COL6A5: variants seen among roughly 807,000 people sequenced by gnomAD.
COL6A5 encodes the protein collagen alpha-5(VI) chain.
A neutral mutation model predicts 65.6 loss-of-function variants in COL6A5; 48 were observed. That is an observed-to-expected ratio of 0.73 (90% CI 0.58 to 0.93). The LOEUF is 0.93. Ranked by LOEUF, COL6A5 falls within the 40% of genes least tolerant of loss-of-function variation. The pLI, the probability that COL6A5 is intolerant of heterozygous loss-of-function variation, is 0.00. For synonymous variants in COL6A5, 291 were observed against 322.8 expected (o/e 0.90, Z 1.05); for missense variants, 914 against 928.3 (o/e 0.98, Z 0.20).
chr3:130,453,535 A>G (rs1430310837), intron 4 of COL6A5, among the ~76,000 whole-genome samples: 1 of 152,142 alleles, frequency 6.6e-6, no homozygotes, highest in Non-Finnish European at 1.5e-5. Context: ...TTTCATCCCC[A>G]AAAGTTAGCA....
chr3:130,346,407 A>G (rs995720383), intron 1 of COL6A5, among the ~76,000 whole-genome samples: 15 of 152,162 alleles, frequency 9.9e-5, no homozygotes, highest in Admixed American at 3.3e-4. Flanking sequence ...CCTAGCCCCA[A>G]TGCAGGAACC....
rs5852597 is a variant in COL6A5, at chr3:130,439,339, T to TTGTGTGTG, written c.488-150_488-143dup. Among the ~76,000 whole-genome samples the TTGTGTGTG allele has an allele frequency of 6.5e-3, 957 of 146,648 alleles. 5 individuals carry two copies. The highest frequency in any genetic ancestry group is 0.02 in the South Asian group (90 of 4,468). On this transcript the variant is annotated intron_variant, in intron 1 of 7. Coordinates refer to ENST00000512836, the Ensembl canonical transcript of COL6A5. Reference sequence around the variant, plus strand: ...TGTTATGTTTGGGATAAGCAGGGGATTGTGTGTGTGTGTGTGTGTGTGTGT... The same window carrying TTGTGTGTG: ...TGTTATGTTTGGGATAAGCAGGGGATTGTGTGTGTGTGTGTGTGTGTGTGTGTGTGTGT...
chr3:130,374,923 ACT>A (rs1935710315), intron 2 of COL6A5, among the ~76,000 whole-genome samples: 2 of 151,946 alleles, frequency 1.3e-5, no homozygotes, highest in Non-Finnish European at 2.9e-5. Context: ...AAGTTTTTAT[ACT>A]CTCTTGTAAT....
chr3:130,431,328 A>G (rs750337545), upstream of COL6A5: 1 of 943,366 alleles, frequency 1.1e-6, no homozygotes, highest in South Asian at 1.4e-5. Context: ...TTCTTTGCAC[A>G]TGGGTACCTT....
chr3:130,482,222 A>G (rs1710265854), intron 7 of COL6A5, among the ~76,000 whole-genome samples: 1 of 152,294 alleles, frequency 6.6e-6, no homozygotes, highest in South Asian at 2.1e-4. Context: ...TAATTTTTGT[A>G]TAAAGTATAA....
At chr3:130,470,542 A>G (rs1709922599) in intron 6 of COL6A5, among the ~76,000 whole-genome samples, 2 of 152,036 alleles carry the variant, frequency 1.3e-5, no homozygotes, top group Non-Finnish European at 2.9e-5. Context: ...AAAAAATAAA[A>G]TATAAACATT....
intron 2 of COL6A5, 82 bp from the exon 35 acceptor site, chr3:130,440,084 C>A: frequency 1.9e-6 from 2 of 1,054,496 alleles, no homozygotes; most frequent in South Asian, 1.7e-5. Context: ...GGTAATTAGT[C>A]ACTGAGTCAC....
At chr3:130,426,581 G>A (rs984313597), upstream of COL6A5, among the ~76,000 whole-genome samples, 3 of 152,078 alleles carry the variant, frequency 2.0e-5, no homozygotes, top group South Asian at 6.2e-4. Context: ...AGGAAAGGGG[G>A]TATAAGTAAA....
At position 130,469,347 on chromosome 3, in the gene COL6A5, A is replaced by G. The variant is rs372151368; in HGVS notation, c.2099A>G (p.Lys700Arg). Reference sequence around the variant, plus strand: ...ATATTTGTGTTTTCCTTTGGCCCTAAACACAATGACAAAGAATTAGAAGAA... The same window carrying G: ...ATATTTGTGTTTTCCTTTGGCCCTAGACACAATGACAAAGAATTAGAAGAA... Residue 700 changes from lysine to arginine, a missense_variant, in exon 6 of 8, where the codon AAA becomes AGA. By Grantham distance (26) the Lys-to-Arg change is conservative. Transcript: ENST00000512836. 1.9e-6 allele frequency: 3 copies of G among 1,612,826 alleles called. No individual in the cohort carries two copies. The African/African-American group carries it at 4.0e-5, about 22-fold the overall frequency.
chr3:130,384,846 A>G lies in COL6A5; in HGVS notation c.1343A>G (p.Asp448Gly), dbSNP rs911530874. 3 of 1,549,836 alleles carry G rather than the reference A, an allele frequency of 1.9e-6. No homozygotes were observed. In the East Asian group the frequency reaches 7.3e-5, roughly 38 times the overall value. ...GAGGCTGATATCCACTTCCTCATTG[A>G]TGGCTCAAGCAGCATCCAGGAGAAA... Residue 448 changes from aspartate to glycine, a missense_variant and NMD_transcript_variant, in exon 5 of 42, where the codon GAT becomes GGT. Transcript: ENST00000312481.
At chr3:130,383,203 T>C (rs1293856490) in intron 4 of COL6A5, among the ~76,000 whole-genome samples, 1 of 152,096 alleles carries the variant, frequency 6.6e-6, no homozygotes, top group African/African-American at 2.4e-5. Context: ...TCTATGCTAA[T>C]AGGGTAGCTG....
intron 4 of COL6A5, among the ~76,000 whole-genome samples, chr3:130,452,445 T>G (rs1709466339): frequency 6.6e-6 from 1 of 152,136 alleles, no homozygotes; most frequent in Non-Finnish European, 1.5e-5. Flanking sequence ...AAGCTGGGCA[T>G]CCGGGGGAGA....
chr3:130,432,044 G>A (rs1937840693), intron 1 of COL6A5, 95 bp downstream of exon 33: 2 of 1,308,140 alleles, frequency 1.5e-6, no homozygotes, highest in South Asian at 1.5e-5. Flanking sequence ...AGAAATATAT[G>A]TGGCCTCTTG....
At chr3:130,469,550 G>C (rs975109284) in intron 6 of COL6A5, 69 bp downstream of exon 38, 6 of 1,250,874 alleles carry the variant, frequency 4.8e-6, no homozygotes, top group Non-Finnish European at 6.7e-6. Flanking sequence ...TCCATCAGCA[G>C]ACTTAGTAAA....
exon 7 of COL6A5, chr3:130,391,669 C>T: frequency 1.3e-6 from 2 of 1,551,640 alleles, no homozygotes; most frequent in South Asian, 2.4e-5. Context: ...GGAATAAAAA[C>T]AATACTATCT....
chr3:130,451,639 G>C (rs998950124), intron 4 of COL6A5, among the ~76,000 whole-genome samples: 3 of 152,052 alleles, frequency 2.0e-5, no homozygotes, highest in Non-Finnish European at 4.4e-5. Flanking sequence ...GTGAGTCGGG[G>C]CTGCAGGAGT....
chr3:130,375,599 C>T (rs1470876810), intron 2 of COL6A5, among the ~76,000 whole-genome samples: 4 of 152,028 alleles, frequency 2.6e-5, no homozygotes, highest in Admixed American at 6.6e-5. Flanking sequence ...ACAACTTTGG[C>T]CCATTCTTAC....
intron 5 of COL6A5, among the ~76,000 whole-genome samples, chr3:130,465,941 T>G (rs1417018767): frequency 6.6e-6 from 1 of 151,908 alleles, no homozygotes; most frequent in Non-Finnish European, 1.5e-5. Context: ...AAATTAGATT[T>G]GGCAAAACAA....
At chr3:130,401,817 C>T in exon 12 of COL6A5, 4 of 1,551,560 alleles carry the variant, frequency 2.6e-6, no homozygotes, top group Non-Finnish European at 3.5e-6. Flanking sequence ...CCAGGAATTC[C>T]AGGACCTCAT....
Sources: allele counts gnomAD v4.1 joint callset (sites outside exome capture counted in the v4.1 genomes callset), GRCh38; gene constraint gnomAD v4.1.1; transcripts MANE v1.5; gene names NCBI Gene and HGNC (gene_info 2026-07-23, HGNC 2026-07-21).